The following SPIDR variants were observed in gnomAD, a reference collection of about 807,000 sequenced individuals.
SPIDR encodes the protein scaffold protein involved in DNA repair, also known as DNA repair-scaffolding protein.
In SPIDR, 93 loss-of-function variants were observed where a neutral mutation model predicts 104.6. The observed-to-expected ratio is 0.89, with a 90% CI of 0.75 to 1.06. SPIDR has a LOEUF of 1.06. Among genes scored for constraint, SPIDR ranks in the 50% least tolerant of loss-of-function variants. The probability of loss-of-function intolerance (pLI) is 0.00; values close to 1 mark genes in which losing one functional copy is unlikely to be tolerated. For missense variants in SPIDR, 1,154 were observed against 1,111.2 expected, an observed-to-expected ratio of 1.04 and a Z score of -0.55; for synonymous variants, 431 against 416.9, an observed-to-expected ratio of 1.03 and a Z score of -0.41.
intron 7 of SPIDR, among the ~76,000 whole-genome samples, chr8:47,430,448 G>A (rs1554688282): frequency 1.3e-5 from 2 of 152,182 alleles, no homozygotes; most frequent in Non-Finnish European, 2.9e-5. Context: ...GGCAGGGGCC[G>A]GATTGATGTT....
At chr8:47,461,513 T>C (rs1489711813) in intron 8 of SPIDR, among the ~76,000 whole-genome samples, 2 of 152,226 alleles carry the variant, frequency 1.3e-5, no homozygotes, top group African/African-American at 4.8e-5. Flanking sequence ...GTTTTCACCA[T>C]GTTGACCAAG....
intron 5 of SPIDR, among the ~76,000 whole-genome samples, chr8:47,378,815 C>G (rs2058984851): frequency 6.6e-6 from 1 of 152,166 alleles, no homozygotes; most frequent in South Asian, 2.1e-4. Flanking sequence ...TGGAGCTAAC[C>G]TTGGATCTTG....
At chr8:47,516,895 C>T (rs1180626831) in intron 8 of SPIDR, among the ~76,000 whole-genome samples, 1 of 152,168 alleles carries the variant, frequency 6.6e-6, no homozygotes, top group African/African-American at 2.4e-5. Context: ...ACCAGCAATG[C>T]ATGGGAGTTT....
In SPIDR at chr8:47,595,989, A is replaced by T; in HGVS notation, c.1276A>T (p.Asn426Tyr). 1.2e-6 allele frequency: 2 copies of T among 1,611,134 alleles called. No homozygotes were observed. Among genetic ancestry groups the T allele is most frequent in the Non-Finnish European group, 1.7e-6 (2 of 1,179,216 alleles). The change falls in exon 9 of 20, where the codon AAT becomes TAT. Residue 426 changes from asparagine to tyrosine, a missense_variant. Physicochemically the swap from Asn to Tyr is moderately radical, Grantham distance 143. Coordinates refer to ENST00000297423, the MANE Select transcript of SPIDR (RefSeq NM_001080394.4). The stretch of plus-strand genomic sequence containing the variant: ...GTTTGTAATTAAGGGTCTAACAAAT[A>T]ATTCACCTGAAATCCAGGTAAACTC... ...QMFVIKGLTN[N>Y]SPEIQVVCSG...
intron 8 of SPIDR, among the ~76,000 whole-genome samples, chr8:47,447,514 A>T (rs1295490753): frequency 2.6e-5 from 4 of 152,212 alleles, no homozygotes; most frequent in African/African-American, 9.6e-5. Flanking sequence ...GCGCCTGGCC[A>T]GAAACGGGTT....
chr8:47,436,903 C>T (rs1308698566), intron 7 of SPIDR, among the ~76,000 whole-genome samples: 1 of 152,138 alleles, frequency 6.6e-6, no homozygotes, highest in East Asian at 1.9e-4. Flanking sequence ...AGCCCTGTCC[C>T]TGACCTAGTG....
chr8:47,457,426 A>C (rs2073178877), intron 8 of SPIDR, among the ~76,000 whole-genome samples: 1 of 152,102 alleles, frequency 6.6e-6, no homozygotes, highest in South Asian at 2.1e-4. Context: ...TTGTCTGTTC[A>C]TATCCTTAAC....
chr8:47,578,479 AAATAAT>A (rs1554812080), intron 8 of SPIDR, among the ~76,000 whole-genome samples: 3 of 152,084 alleles, frequency 2.0e-5, no homozygotes, highest in East Asian at 1.9e-4. Flanking sequence ...CTCAAAAAAA[AAATAAT>A]AATAATAATC....
chr8:47,713,576 C>G lies in SPIDR; in HGVS notation c.2276C>G (p.Pro759Arg). The G allele has an allele frequency of 6.2e-7, 1 of 1,614,172 alleles. No individual in the cohort carries two copies. The highest frequency in any genetic ancestry group is 1.1e-5 in the South Asian group (1 of 91,072). ...VVSGASSCEL[P>R]GPVMLDSLDS... The stretch of plus-strand genomic sequence containing the variant: ...TCTGGTGCAAGTTCCTGTGAGCTGC[C>G]TGGCCCGGTGATGCTCGACAGCCTG... The change falls in exon 16 of 20, where the codon CCT (proline) becomes CGT (arginine). Residue 759 changes from proline to arginine, a missense_variant. By Grantham distance (103) the Pro-to-Arg change is moderately radical. Coordinates refer to ENST00000297423, the MANE Select transcript of SPIDR (RefSeq NM_001080394.4).
intron 8 of SPIDR, among the ~76,000 whole-genome samples, chr8:47,516,785 C>T (rs545631485): frequency 1.3e-4 from 20 of 151,750 alleles, no homozygotes; most frequent in East Asian, 3.9e-4. Context: ...AATTTTTTTT[C>T]GGCTATAGAT....
Position 47,735,645 on chromosome 8 carries a change from T to A in SPIDR, c.*195T>A. ...TAAATCAAAATACCTTTTTCTACAG[T>A]TTATCTTTTATTTTCTGCAAATTTA... On this transcript the variant is annotated 3_prime_UTR_variant, in exon 20 of 20. Coordinates refer to ENST00000297423, the MANE Select transcript of SPIDR (RefSeq NM_001080394.4). 8.8e-7 allele frequency: 1 copy of A among 1,133,070 alleles called. No individual in the cohort carries two copies. Among genetic ancestry groups the A allele is most frequent in the Non-Finnish European group, 1.2e-6 (1 of 826,634 alleles). The allele number at this position is 1,133,070 out of a possible 1,614,324, so 70.2% of individuals were successfully genotyped here.
At chr8:47,336,181 T>C (rs1481567175) in intron 5 of SPIDR, among the ~76,000 whole-genome samples, 1 of 152,224 alleles carries the variant, frequency 6.6e-6, no homozygotes, top group African/African-American at 2.4e-5. Flanking sequence ...TAGTAGTCCA[T>C]TGTATAGATG....
chr8:47,712,063 C>A (rs373276519), intron 14 of SPIDR, among the ~76,000 whole-genome samples: 1 of 152,080 alleles, frequency 6.6e-6, no homozygotes, highest in East Asian at 1.9e-4. Context: ...TCTACTGAAT[C>A]CTAAGCCCTG....
At chr8:47,685,607 TC>T (rs1305656744) in intron 11 of SPIDR, among the ~76,000 whole-genome samples, 13 of 151,378 alleles carry the variant, frequency 8.6e-5, no homozygotes, top group African/African-American at 3.1e-4. Flanking sequence ...TGTTTTTCTT[TC>T]TTTTTTTTTA....
chr8:47,642,542 A>AT (rs1301172901), intron 10 of SPIDR, among the ~76,000 whole-genome samples: 3 of 152,194 alleles, frequency 2.0e-5, no homozygotes, highest in Non-Finnish European at 4.4e-5. Flanking sequence ...GGGACCTGTC[A>AT]TAAACTCTTC....
At chr8:47,308,098 G>T (rs587722092) in intron 5 of SPIDR, among the ~76,000 whole-genome samples, 102 of 152,060 alleles carry the variant, frequency 6.7e-4, no homozygotes, top group Non-Finnish European at 1.0e-3. Flanking sequence ...GTCTCACTCT[G>T]TTGCCCAGGC....
intron 5 of SPIDR, among the ~76,000 whole-genome samples, chr8:47,296,716 T>C (rs950990637): frequency 6.6e-6 from 1 of 152,174 alleles, no homozygotes; most frequent in East Asian, 1.9e-4. Flanking sequence ...TTCTTTTCGC[T>C]TTGGCCATTT....
intron 8 of SPIDR, among the ~76,000 whole-genome samples, chr8:47,488,120 A>C (rs2154365095): frequency 6.6e-6 from 1 of 152,334 alleles, no homozygotes; most frequent in East Asian, 1.9e-4. Flanking sequence ...AGACCTAATA[A>C]GAAAAGAGAG....
intron 10 of SPIDR, 159 bp from the exon 11 acceptor site, chr8:47,673,642 C>CTT: frequency 7.8e-6 from 7 of 892,586 alleles, no homozygotes; most frequent in Admixed American, 2.8e-5. Flanking sequence ...CAGTGGATTT[C>CTT]TTTTTTTTTT....
Sources: gnomAD v4.1 joint callset for allele counts (sites outside exome capture counted in the v4.1 genomes callset) on GRCh38, gnomAD v4.1.1 for gene constraint, MANE v1.5 for transcripts, NCBI Gene and HGNC (gene_info 2026-07-23, HGNC 2026-07-21) for gene names.